Variants in POTEC observed in about 807,000 individuals in gnomAD.
POTEC encodes the protein ANKRD26-like family B member 2.
In POTEC, 35 loss-of-function variants were observed where a neutral mutation model predicts 62.0. The ratio of observed to expected loss-of-function variants is 0.56; its 90% confidence interval spans 0.43 to 0.75. The LOEUF (loss-of-function observed/expected upper bound fraction) is 0.75. Ranked by LOEUF, POTEC falls within the 30% of genes least tolerant of loss-of-function variation. The probability of loss-of-function intolerance (pLI) is 0.00; values close to 1 mark genes in which losing one functional copy is unlikely to be tolerated. For synonymous variants in POTEC, 156 were observed against 221.5 expected, an observed-to-expected ratio of 0.70 and a Z score of 2.62; for missense variants, 472 against 655.9, an observed-to-expected ratio of 0.72 and a Z score of 3.06.
At position 14,508,934 on chromosome 18, in the gene POTEC, G is replaced by A. The variant is rs1322111803; in HGVS notation, c.*2964C>T. 1 of 152,184 alleles carries A rather than the reference G, an allele frequency of 6.6e-6. No individual in the cohort carries two copies. The highest frequency in any genetic ancestry group is 2.4e-5 in the African/African-American group (1 of 41,452). 9.4% of individuals were successfully genotyped at this position (152,184 alleles called of 1,614,324 possible). On this transcript the variant is annotated 3_prime_UTR_variant, in exon 11 of 11. Coordinates refer to ENST00000358970, the MANE Select transcript of POTEC (RefSeq NM_001137671.2). ...CTTTATTATATCTGATGACCTTGAG[G>A]ATTTGATTGTGGTGTAAGGTGGATT... is the stretch of plus-strand genomic sequence containing the variant.
intron 7 of POTEC, among the ~76,000 whole-genome samples, chr18:14,524,453 A>G (rs1352242305): frequency 6.6e-6 from 1 of 152,164 alleles, no homozygotes; most frequent in Admixed American, 6.6e-5. Flanking sequence ...AGGGACCTTC[A>G]GTGTTACATT....
intron 5 of POTEC, among the ~76,000 whole-genome samples, chr18:14,532,250 T>C (rs1306460558): frequency 6.6e-6 from 1 of 152,158 alleles, no homozygotes; most frequent in African/African-American, 2.4e-5. Context: ...TCTCAGCTCA[T>C]TCTTGGCTAA....
intron 5 of POTEC, 118 bp from the exon 6 acceptor site, chr18:14,530,671 T>C (rs552657148): frequency 5.2e-4 from 480 of 929,514 alleles, no homozygotes; most frequent in Non-Finnish European, 6.2e-4. Flanking sequence ...AATTTAACAG[T>C]ATTATCCCAT....
intron 9 of POTEC, among the ~76,000 whole-genome samples, chr18:14,518,980 TTGA>T: frequency 6.6e-6 from 1 of 152,256 alleles, no homozygotes; most frequent in East Asian, 1.9e-4. Context: ...GAGTTAAGAA[TTGA>T]TGAAAAGGGA....
intron 9 of POTEC, among the ~76,000 whole-genome samples, chr18:14,518,691 G>A (rs901484464): frequency 2.8e-5 from 4 of 144,562 alleles, no homozygotes; most frequent in African/African-American, 1.0e-4. Context: ...TAGAAAGGGG[G>A]TTTTAAATAA....
intron 6 of POTEC, 113 bp downstream of exon 6, chr18:14,530,370 C>G: frequency 1.3e-6 from 2 of 1,503,794 alleles, no homozygotes; most frequent in Non-Finnish European, 1.8e-6. Flanking sequence ...AATCCTGAAA[C>G]CATCCCCACC....
rs573616595 is a variant in POTEC at position 14,512,070 on chromosome 18, A to G, written c.1534-77T>C. 1,836 of 1,195,612 alleles carry G rather than the reference A, an allele frequency of 1.5e-3. 12 individuals carry two copies. Among genetic ancestry groups the G allele is most frequent in the African/African-American group, 0.015 (939 of 64,736 alleles). 74.1% of individuals were successfully genotyped at this position (1,195,612 alleles called of 1,614,324 possible). A position where few individuals can be genotyped will look rare whatever the true frequency, so the allele number is the denominator to read the frequency against. ...TGATTTCTTCTAAAATTAAAGAATG[A>G]CATTTATATTTGTATAATGAAATAA... On this transcript the variant is annotated intron_variant, in intron 10 of 10. Transcript: ENST00000358970.
chr18:14,528,109 G>A (rs1314483380), intron 6 of POTEC: 1 of 152,158 alleles, frequency 6.6e-6, no homozygotes, highest in Non-Finnish European at 1.5e-5. Context: ...CAACAGCCTG[G>A]TTAAGTAGAT....
chr18:14,531,801 A>G (rs1256838728), intron 5 of POTEC: 1 of 150,994 alleles, frequency 6.6e-6, no homozygotes, highest in Non-Finnish European at 1.5e-5. Context: ...ACTTTTACAC[A>G]TGATTTGTGA....
rs1337056771 is a variant in POTEC at position 14,537,986 on chromosome 18, A to G, written c.637-12T>C. ...TGGCATTGTACGGCCTGTCAGTATTAGACCAAAAACAAATTATTAAGTCCT... is the reference window on the plus strand; with the variant it reads ...TGGCATTGTACGGCCTGTCAGTATTGGACCAAAAACAAATTATTAAGTCCT... On this transcript the variant is annotated splice_polypyrimidine_tract_variant and intron_variant, in intron 2 of 10. Coordinates refer to ENST00000358970, the MANE Select transcript of POTEC (RefSeq NM_001137671.2). The G allele has an allele frequency of 6.2e-7, 1 of 1,602,510 alleles. No individual in the cohort carries two copies. Among genetic ancestry groups the G allele is most frequent in the Non-Finnish European group, 8.5e-7 (1 of 1,178,112 alleles).
intron 6 of POTEC, chr18:14,529,077 C>A (rs1276047681): frequency 4.4e-6 from 2 of 451,862 alleles, no homozygotes; most frequent in East Asian, 7.0e-5. Context: ...TGCATGCTTA[C>A]CTTGAATCAT....
In POTEC at chr18:14,509,532, T is replaced by G. The variant is rs1309583421; in HGVS notation, c.*2366A>C. Reference sequence around the variant, plus strand: ...TGTAAACACACACAGCAAAGTGATGTAGGAAGTTTCCATATAAAGGGCTGC... The same window carrying G: ...TGTAAACACACACAGCAAAGTGATGGAGGAAGTTTCCATATAAAGGGCTGC... On this transcript the variant is annotated 3_prime_UTR_variant, in exon 11 of 11. Transcript: ENST00000358970. 6.6e-6 allele frequency: 1 copy of G among 152,036 alleles called. No homozygotes were observed. Among genetic ancestry groups the G allele is most frequent in the Non-Finnish European group, 1.5e-5 (1 of 68,026 alleles). 9.4% of individuals were successfully genotyped at this position (152,036 alleles called of 1,614,324 possible).
chr18:14,528,789 T>C (rs1249925186), intron 6 of POTEC: 4 of 369,066 alleles, frequency 1.1e-5, no homozygotes, highest in Admixed American at 3.5e-5. Context: ...GACCTACTCA[T>C]TTCTATAGTA....
At chr18:14,532,128 G>C (rs1905543619) in intron 5 of POTEC, among the ~76,000 whole-genome samples, 1 of 151,742 alleles carries the variant, frequency 6.6e-6, no homozygotes, top group African/African-American at 2.4e-5. Context: ...AACAAACACT[G>C]ATCTCTTTCT....
intron 9 of POTEC, among the ~76,000 whole-genome samples, chr18:14,514,341 TA>T (rs1189367616): frequency 2.0e-5 from 3 of 151,774 alleles, no homozygotes; most frequent in African/African-American, 7.3e-5. Context: ...AGAGTGGCTG[TA>T]AACAGATGAA....
Position 14,542,925 on chromosome 18 carries a change from C to G in POTEC, c.222G>C (p.Gly74=), listed in dbSNP as rs771817556. Residue 74 remains glycine, a synonymous_variant, in exon 1 of 11, where the codon GGG becomes GGC. Coordinates refer to ENST00000358970, the MANE Select transcript of POTEC (RefSeq NM_001137671.2). ...AAGTGCCCACGTTGCTCGTGCCGCT[C>G]CCCCTGCAGCAGGGGAAGCAGTGGT... ...CCHHCFPCCR[G]SGTSNVGTSG... The G allele has an allele frequency of 6.6e-6, 10 of 1,525,196 alleles. No homozygotes were observed. The South Asian group carries it at 1.3e-4, about 19-fold the overall frequency. The allele number at this position is 1,525,196 out of a possible 1,614,324, so 94.5% of individuals were successfully genotyped here.
chr18:14,518,334 T>C (rs1484432507), intron 9 of POTEC, among the ~76,000 whole-genome samples: 2 of 150,734 alleles, frequency 1.3e-5, no homozygotes, highest in African/African-American at 2.4e-5. Context: ...GAAATGTTTA[T>C]GTGTTTGATG....
rs904489070 is a variant in POTEC, at chr18:14,542,579, C to T, written c.521+47G>A. ...CTCCCTGCGCCAGGAGGGTATGTCC[C>T]CATCATCCCCCCATGTCCCGCCTCC... On this transcript the variant is annotated intron_variant, in intron 1 of 10. Coordinates refer to ENST00000358970, the MANE Select transcript of POTEC (RefSeq NM_001137671.2). 5 of 1,611,150 alleles carry T rather than the reference C, an allele frequency of 3.1e-6. No homozygotes were observed. In the South Asian group the frequency reaches 4.4e-5, roughly 14 times the overall value.
chr18:14,515,155 TTTCTAC>T (rs1207324794), intron 9 of POTEC, among the ~76,000 whole-genome samples: 3 of 152,034 alleles, frequency 2.0e-5, no homozygotes, highest in Non-Finnish European at 2.9e-5. Context: ...GTCAATACAG[TTTCTAC>T]CAAAGTACCA....
Sources: gnomAD v4.1 joint callset for allele counts (sites outside exome capture counted in the v4.1 genomes callset) on GRCh38, gnomAD v4.1.1 for gene constraint, MANE v1.5 for transcripts, NCBI Gene and HGNC (gene_info 2026-07-23, HGNC 2026-07-21) for gene names.